UNC5D: variants seen among roughly 807,000 people sequenced by gnomAD.
UNC5D encodes the protein unc-5 netrin receptor D.
In UNC5D, 39 loss-of-function variants were observed where a neutral mutation model predicts 105.4. The ratio of observed to expected loss-of-function variants is 0.37; its 90% CI spans 0.29 to 0.48. The LOEUF (loss-of-function observed/expected upper bound fraction) is 0.48, where lower values mean the gene tolerates loss of function less well. UNC5D is among the 20% of genes least tolerant of loss of function. UNC5D has a pLI of 0.98. For synonymous variants in UNC5D, 452 were observed against 450.4 expected, an observed-to-expected ratio of 1.00 and a Z score of -0.04; for missense variants, 991 against 1,202.4, an observed-to-expected ratio of 0.82 and a Z score of 2.60.
Position 35,704,984 on chromosome 8 carries a change from G to A in UNC5D, c.1085-945G>A, listed in dbSNP as rs1336872244. Among the ~76,000 whole-genome samples, 3 of 20,576 alleles carry A rather than the reference G, an allele frequency of 1.5e-4. No individual in the cohort carries two copies. The East Asian group carries it at 4.3e-3, about 30-fold the overall frequency. 13.5% of individuals were successfully genotyped at this position (20,576 alleles called of 152,430 possible). A position where few individuals can be genotyped will look rare whatever the true frequency, so the allele number is the denominator to read the frequency against. The stretch of plus-strand genomic sequence containing the variant: ...CCTTTTTTTTTTTTTTTTTTTTTTT[G>A]AGACGGAGTCTCGCTGTTGCCCGGG... On this transcript the variant is annotated intron_variant, in intron 7 of 16. Transcript: ENST00000404895.
At chr8:35,563,652 T>C (rs1009603302) in intron 2 of UNC5D, among the ~76,000 whole-genome samples, 5 of 152,156 alleles carry the variant, frequency 3.3e-5, no homozygotes, top group Admixed American at 2.0e-4. Flanking sequence ...TCCAGTACTA[T>C]GTTGAATGAA....
At chr8:35,551,434 G>A (rs1390659388) in intron 2 of UNC5D, among the ~76,000 whole-genome samples, 1 of 152,136 alleles carries the variant, frequency 6.6e-6, no homozygotes, top group East Asian at 1.9e-4. Context: ...TGTTAGAGAG[G>A]AAGGGTCAAC....
intron 4 of UNC5D, among the ~76,000 whole-genome samples, chr8:35,649,044 A>C (rs1823245768): frequency 6.6e-6 from 1 of 152,178 alleles, no homozygotes; most frequent in African/African-American, 2.4e-5. Flanking sequence ...TTACATACTA[A>C]GATTTAGCTT....
At chr8:35,741,182 G>A (rs1388683520) in intron 11 of UNC5D, among the ~76,000 whole-genome samples, 1 of 152,144 alleles carries the variant, frequency 6.6e-6, no homozygotes, top group African/African-American at 2.4e-5. Flanking sequence ...GATTCCTTTA[G>A]TATATTAATT....
intron 8 of UNC5D, among the ~76,000 whole-genome samples, chr8:35,716,589 T>G (rs1480092422): frequency 3.3e-5 from 5 of 152,188 alleles, no homozygotes; most frequent in Non-Finnish European, 7.3e-5. Flanking sequence ...GTTGGAAGAT[T>G]AAAATGAGTT....
intron 4 of UNC5D, among the ~76,000 whole-genome samples, chr8:35,642,902 C>CCCAAA (rs1822833573): frequency 6.6e-6 from 1 of 152,086 alleles, no homozygotes; most frequent in African/African-American, 2.4e-5. Flanking sequence ...TTTCCCTTCT[C>CCCAAA]CCCAACCCAC....
intron 4 of UNC5D, among the ~76,000 whole-genome samples, chr8:35,603,599 G>C (rs1048230372): frequency 6.6e-6 from 1 of 152,064 alleles, no homozygotes; most frequent in Non-Finnish European, 1.5e-5. Context: ...GGGTATCCTT[G>C]TTGACTTTCT....
intron 1 of UNC5D, among the ~76,000 whole-genome samples, chr8:35,441,775 A>G (rs1807418309): frequency 6.6e-6 from 1 of 151,482 alleles, no homozygotes; most frequent in African/African-American, 2.4e-5. Flanking sequence ...AGTCTATACT[A>G]GATCTTACTT....
At chr8:35,310,665 C>A (rs531836384) in intron 1 of UNC5D, among the ~76,000 whole-genome samples, 7 of 151,950 alleles carry the variant, frequency 4.6e-5, no homozygotes, top group Admixed American at 2.0e-4. Context: ...TGCAAGTAAC[C>A]TACAAAGCTC....
At chr8:35,623,763 C>G (rs1272824787) in intron 4 of UNC5D, among the ~76,000 whole-genome samples, 1 of 152,168 alleles carries the variant, frequency 6.6e-6, no homozygotes, top group Non-Finnish European at 1.5e-5. Flanking sequence ...CTGATTTACA[C>G]ATTTTTAAAT....
intron 10 of UNC5D, chr8:35,727,809 A>C (rs559389048): frequency 6.6e-6 from 1 of 152,132 alleles, no homozygotes; most frequent in Non-Finnish European, 1.5e-5. Context: ...TCCAGTTGAT[A>C]ATTGGAAGAT....
chr8:35,345,433 G>A (rs942711059), intron 1 of UNC5D, among the ~76,000 whole-genome samples: 2 of 151,890 alleles, frequency 1.3e-5, no homozygotes. Context: ...GTCATATGGG[G>A]CATTTCTAGA....
intron 1 of UNC5D, among the ~76,000 whole-genome samples, chr8:35,356,079 C>T (rs1281897899): frequency 6.6e-6 from 1 of 152,036 alleles, no homozygotes; most frequent in Non-Finnish European, 1.5e-5. Flanking sequence ...CTACCACGCC[C>T]GGTTATCTTT....
intron 9 of UNC5D, among the ~76,000 whole-genome samples, 170 bp downstream of exon 9, chr8:35,722,565 G>A (rs1178525349): frequency 1.3e-5 from 2 of 152,172 alleles, no homozygotes; most frequent in Non-Finnish European, 2.9e-5. Flanking sequence ...GGTCTGCTTA[G>A]GTCCTTGTCT....
intron 11 of UNC5D, among the ~76,000 whole-genome samples, chr8:35,734,782 A>ATTTTTT (rs1171276656): frequency 0.021 from 2,654 of 126,512 alleles, 146 homozygotes; most frequent in African/African-American, 0.081. Flanking sequence ...CACACTTTAA[A>ATTTTTT]TTTTTTTTTT....
chr8:35,648,292 G>T (rs1823180073), intron 4 of UNC5D, among the ~76,000 whole-genome samples: 1 of 152,116 alleles, frequency 6.6e-6, no homozygotes, highest in Non-Finnish European at 1.5e-5. Context: ...TTGCAGTAGT[G>T]TTCATTTTAT....
intron 1 of UNC5D, among the ~76,000 whole-genome samples, chr8:35,512,781 C>T (rs557251991): frequency 7.6e-4 from 115 of 151,414 alleles, no homozygotes; most frequent in Admixed American, 1.3e-3. Flanking sequence ...AGTAGCTATA[C>T]ATTAAGGAGG....
intron 1 of UNC5D, among the ~76,000 whole-genome samples, chr8:35,430,866 G>A (rs531327586): frequency 6.6e-6 from 1 of 152,296 alleles, no homozygotes; most frequent in South Asian, 2.1e-4. Flanking sequence ...GACAGATGAT[G>A]GAAGAAGCAC....
At position 35,425,033 on chromosome 8, in the gene UNC5D, C is replaced by T. The variant is rs981243973; in HGVS notation, c.104-124259C>T. On this transcript the variant is annotated intron_variant, in intron 1 of 16. Transcript: ENST00000404895. ...ATGTGTTCTCATTGTTCAATTCCCA[C>T]GTGGGGTGGGGGAAGGGGGGAGGGA... 5.3e-5 allele frequency among the ~76,000 whole-genome samples: 8 copies of T among 151,852 alleles called. No homozygotes were observed. In the South Asian group the frequency reaches 6.2e-4, roughly 12 times the overall value.
Sources: allele counts gnomAD v4.1 joint callset (sites outside exome capture counted in the v4.1 genomes callset), GRCh38; gene constraint gnomAD v4.1.1; transcripts MANE v1.5; gene names NCBI Gene and HGNC (gene_info 2026-07-23, HGNC 2026-07-21).